MARCHF1: variants seen among roughly 807,000 people sequenced by gnomAD.
The protein encoded by MARCHF1 is membrane associated ring-CH-type finger 1.
In MARCHF1, 40 loss-of-function variants were observed where a neutral mutation model predicts 54.2. The observed-to-expected ratio is 0.74, with a 90% CI of 0.57 to 0.96. MARCHF1 has a LOEUF of 0.96. Among genes scored for constraint, MARCHF1 ranks in the 40% least tolerant of loss-of-function variants. The probability of loss-of-function intolerance (pLI) is 0.00; values close to 1 mark genes in which losing one functional copy is unlikely to be tolerated. For synonymous variants in MARCHF1, 236 were observed against 236.3 expected, an observed-to-expected ratio of 1.00 and a Z score of 0.01; for missense variants, 586 against 656.5, an observed-to-expected ratio of 0.89 and a Z score of 1.17.
At chr4:164,308,780 C>G (rs991602470) in intron 1 of MARCHF1, among the ~76,000 whole-genome samples, 2 of 151,612 alleles carry the variant, frequency 1.3e-5, no homozygotes, top group Non-Finnish European at 2.9e-5. Flanking sequence ...AAGAGGGGAA[C>G]GACAGATACT....
At chr4:163,763,207 C>G (rs144954056) in intron 4 of MARCHF1, among the ~76,000 whole-genome samples, 45 of 152,110 alleles carry the variant, frequency 3.0e-4, no homozygotes, top group African/African-American at 1.0e-3. Context: ...AAGGGAGGCC[C>G]TAGCAAATCC....
intron 2 of MARCHF1, among the ~76,000 whole-genome samples, chr4:164,066,986 G>A (rs1455674317): frequency 2.6e-5 from 4 of 151,894 alleles, no homozygotes; most frequent in Non-Finnish European, 5.9e-5. Context: ...GTTTGCTTAT[G>A]TAACAAACCT....
intron 1 of MARCHF1, among the ~76,000 whole-genome samples, chr4:164,205,349 C>CTT (rs2111100611): frequency 6.6e-6 from 1 of 152,182 alleles, no homozygotes; most frequent in South Asian, 2.1e-4. Context: ...ACTATTGACA[C>CTT]TTGTATTTGA....
At chr4:163,880,047 TATG>T (rs962509038) in intron 3 of MARCHF1, among the ~76,000 whole-genome samples, 158 of 152,150 alleles carry the variant, frequency 1.0e-3, no homozygotes, top group African/African-American at 3.7e-3. Flanking sequence ...TATACAAGTA[TATG>T]ATATTTATAA....
At chr4:164,047,307 A>G (rs1754263418) in intron 2 of MARCHF1, among the ~76,000 whole-genome samples, 1 of 152,156 alleles carries the variant, frequency 6.6e-6, no homozygotes, top group South Asian at 2.1e-4. Flanking sequence ...TGGAAATGAG[A>G]ATTCCTACAA....
chr4:163,718,073 T>C (rs6851898), intron 4 of MARCHF1, among the ~76,000 whole-genome samples: 3 of 152,192 alleles, frequency 2.0e-5, no homozygotes, highest in Non-Finnish European at 4.4e-5. Flanking sequence ...ATTTAATCAA[T>C]GGTGCTGGGA....
intron 1 of MARCHF1, among the ~76,000 whole-genome samples, chr4:164,199,741 G>T (rs1731402908): frequency 1.3e-5 from 2 of 150,536 alleles, no homozygotes; most frequent in Non-Finnish European, 3.0e-5. Context: ...TAAAAGAAGA[G>T]AAAAAAATCA....
chr4:164,097,729 C>A (rs79640496), intron 2 of MARCHF1, among the ~76,000 whole-genome samples: 1 of 152,132 alleles, frequency 6.6e-6, no homozygotes, highest in South Asian at 2.1e-4. Context: ...GTCAACTGGG[C>A]TAGGATCAAC....
chr4:163,543,955 AT>A (rs756822180), intron 9 of MARCHF1, among the ~76,000 whole-genome samples: 3 of 152,148 alleles, frequency 2.0e-5, no homozygotes, highest in Non-Finnish European at 4.4e-5. Flanking sequence ...CCTGGAGGAA[AT>A]TTGTGGTTCT....
At chr4:164,199,559 T>A (rs939928097) in intron 1 of MARCHF1, among the ~76,000 whole-genome samples, 84 of 150,274 alleles carry the variant, frequency 5.6e-4, no homozygotes, top group African/African-American at 1.6e-3. Context: ...AGGGAATCGC[T>A]TGAGAGGCAG....
chr4:163,642,992 C>CAT (rs1474631281), intron 5 of MARCHF1, among the ~76,000 whole-genome samples: 9 of 151,168 alleles, frequency 6.0e-5, no homozygotes, highest in South Asian at 2.1e-4. Context: ...TATACACACA[C>CAT]ATATATATAC....
intron 3 of MARCHF1, among the ~76,000 whole-genome samples, chr4:163,892,391 G>A (rs2111274121): frequency 6.6e-6 from 1 of 152,114 alleles, no homozygotes; most frequent in East Asian, 1.9e-4. Context: ...AACACTTCAA[G>A]TTTGTCACAA....
intron 8 of MARCHF1, among the ~76,000 whole-genome samples, chr4:163,579,672 G>A (rs1351468134): frequency 8.8e-6 from 1 of 113,416 alleles, no homozygotes; most frequent in African/African-American, 3.5e-5. Flanking sequence ...CATAATAATA[G>A]AACGGAATGA....
At chr4:163,680,676 T>C (rs1459076857) in intron 5 of MARCHF1, among the ~76,000 whole-genome samples, 2 of 152,218 alleles carry the variant, frequency 1.3e-5, no homozygotes, top group Non-Finnish European at 2.9e-5. Context: ...TTTAGACTTC[T>C]AAACTTTTTT....
chr4:164,340,130 T>G (rs887286292), intron 1 of MARCHF1, among the ~76,000 whole-genome samples: 1 of 151,996 alleles, frequency 6.6e-6, no homozygotes, highest in African/African-American at 2.4e-5. Flanking sequence ...CAGGATCCGA[T>G]AGCTTCACTG....
intron 2 of MARCHF1, among the ~76,000 whole-genome samples, chr4:164,095,575 TATAAC>T (rs1447451283): frequency 6.6e-6 from 1 of 152,118 alleles, no homozygotes; most frequent in East Asian, 1.9e-4. Context: ...TTTTTGATAC[TATAAC>T]ATAATACAAT....
chr4:164,089,250 A>C (rs188468372), intron 2 of MARCHF1, among the ~76,000 whole-genome samples: 1 of 152,288 alleles, frequency 6.6e-6, no homozygotes, highest in Admixed American at 6.5e-5. Context: ...ATGAAAATAA[A>C]TGTTTTTAAT....
At chr4:163,533,061 G>T (rs1382793099) in intron 9 of MARCHF1, among the ~76,000 whole-genome samples, 1 of 151,934 alleles carries the variant, frequency 6.6e-6, no homozygotes, top group African/African-American at 2.4e-5. Context: ...ACAAATGTTT[G>T]TAGCAGCTTT....
At chr4:163,609,015 C>T (rs988302081) in intron 7 of MARCHF1, among the ~76,000 whole-genome samples, 1 of 152,056 alleles carries the variant, frequency 6.6e-6, no homozygotes, top group Non-Finnish European at 1.5e-5. Context: ...ATTCCAAAAT[C>T]TCTATGTCCT....
Sources: allele counts gnomAD v4.1 joint callset (sites outside exome capture counted in the v4.1 genomes callset), GRCh38; gene constraint gnomAD v4.1.1; transcripts MANE v1.5; gene names NCBI Gene and HGNC (gene_info 2026-07-23, HGNC 2026-07-21).